Variants in GTF2IRD1 observed in about 807,000 individuals in gnomAD.
GTF2IRD1 encodes general transcription factor II-I repeat domain-containing protein 1.
Under a neutral mutation model 113.2 loss-of-function variants are expected in GTF2IRD1, and 26 were observed. That is an observed-to-expected ratio of 0.23 (90% CI 0.17 to 0.32). GTF2IRD1 has a LOEUF of 0.32. GTF2IRD1 is among the 10% of genes least tolerant of loss of function. The pLI, the probability that GTF2IRD1 is intolerant of heterozygous loss-of-function variation, is 1.00. For missense variants in GTF2IRD1, 864 were observed against 1,280.8 expected (o/e 0.67, Z 4.97); for synonymous variants, 484 against 529.1 (o/e 0.91, Z 1.17).
chr7:74,475,720 G>A (rs967984716), intron 1 of GTF2IRD1, among the ~76,000 whole-genome samples: 2 of 152,204 alleles, frequency 1.3e-5, no homozygotes, highest in Non-Finnish European at 2.9e-5. Context: ...TAATGCAGGT[G>A]TTCAGAGAAA....
chr7:74,528,869 AGATGGATGGATGGATGGATGGATG>A (rs781849655), intron 8 of GTF2IRD1, among the ~76,000 whole-genome samples: 2 of 101,676 alleles, frequency 2.0e-5, no homozygotes, highest in Non-Finnish European at 3.7e-5. Context: ...ATGAATGGGC[AGATGGATGGATGGATGGATGGATG>A]GATGGATGGA....
chr7:74,559,521 A>T, intron 21 of GTF2IRD1, 106 bp from the exon 22 acceptor site: 1 of 881,174 alleles, frequency 1.1e-6, no homozygotes, highest in African/African-American at 1.7e-5. Context: ...CTGCTGCTGT[A>T]GGTCTGGGGT....
intron 22 of GTF2IRD1, among the ~76,000 whole-genome samples, chr7:74,560,448 T>TTA (rs1799878330): frequency 1.4e-5 from 2 of 146,366 alleles, no homozygotes; most frequent in African/African-American, 2.5e-5. Context: ...AAAAAATATT[T>TTA]TATATATATA....
intron 24 of GTF2IRD1, among the ~76,000 whole-genome samples, 164 bp downstream of exon 24, chr7:74,591,181 T>C (rs1330898125): frequency 6.6e-6 from 1 of 152,060 alleles, no homozygotes; most frequent in Non-Finnish European, 1.5e-5. Context: ...GGACATTTAC[T>C]TATTTTTAAA....
At chr7:74,547,437 GC>G (rs1562858841) in intron 17 of GTF2IRD1, 151 bp downstream of exon 17, 15 of 418,650 alleles carry the variant, frequency 3.6e-5, no homozygotes, top group East Asian at 9.9e-5. Context: ...ACCATGCCCA[GC>G]CTTTTTTTTT....
chr7:74,497,018 C>A (rs1231913036), intron 1 of GTF2IRD1, among the ~76,000 whole-genome samples: 1 of 152,014 alleles, frequency 6.6e-6, no homozygotes, highest in Non-Finnish European at 1.5e-5. Flanking sequence ...TAAAATTAGC[C>A]AGGCATGGCG....
At chr7:74,553,099 A>G (rs1281637012) in intron 17 of GTF2IRD1, among the ~76,000 whole-genome samples, 1 of 151,558 alleles carries the variant, frequency 6.6e-6, no homozygotes, top group Non-Finnish European at 1.5e-5. Flanking sequence ...TGACCTCCCA[A>G]AGTGCTGGGA....
At chr7:74,528,754 G>A (rs868920184) in intron 8 of GTF2IRD1, among the ~76,000 whole-genome samples, 17 of 109,698 alleles carry the variant, frequency 1.5e-4, no homozygotes, top group Non-Finnish European at 2.2e-4. Context: ...TGGATGGATG[G>A]ATGAATGGAT....
intron 1 of GTF2IRD1, among the ~76,000 whole-genome samples, chr7:74,501,998 A>G (rs1251237261): frequency 1.3e-5 from 2 of 152,184 alleles, no homozygotes; most frequent in Non-Finnish European, 2.9e-5. Flanking sequence ...CCCAGGCTGC[A>G]GTACAGTGGC....
intron 1 of GTF2IRD1, among the ~76,000 whole-genome samples, chr7:74,470,783 T>C (rs1188904523): frequency 6.6e-6 from 1 of 151,944 alleles, no homozygotes; most frequent in East Asian, 1.9e-4. Context: ...AAAGGCCGCT[T>C]CCAACCTAGT....
intron 1 of GTF2IRD1, chr7:74,507,771 G>A: frequency 3.3e-6 from 1 of 301,008 alleles, no homozygotes; most frequent in African/African-American, 2.1e-5. Flanking sequence ...GGCCAGAATT[G>A]CACACGCCGG....
intron 1 of GTF2IRD1, among the ~76,000 whole-genome samples, chr7:74,473,169 G>A (rs1794205817): frequency 6.6e-6 from 1 of 152,206 alleles, no homozygotes; most frequent in Non-Finnish European, 1.5e-5. Flanking sequence ...GTAGATCCCA[G>A]CAAATGCAGA....
intron 1 of GTF2IRD1, among the ~76,000 whole-genome samples, chr7:74,473,009 C>T (rs782368752): frequency 1.3e-5 from 2 of 152,112 alleles, no homozygotes; most frequent in Admixed American, 1.3e-4. Flanking sequence ...GGAGAGAGTG[C>T]GGTGAAGGCT....
intron 1 of GTF2IRD1, among the ~76,000 whole-genome samples, chr7:74,455,598 G>A (rs1325381323): frequency 6.6e-6 from 1 of 152,220 alleles, no homozygotes; most frequent in African/African-American, 2.4e-5. Flanking sequence ...CTAGGTATAA[G>A]GTAGTTAGGT....
intron 12 of GTF2IRD1, among the ~76,000 whole-genome samples, chr7:74,538,444 C>T (rs2130571944): frequency 6.6e-6 from 1 of 152,342 alleles, no homozygotes; most frequent in East Asian, 1.9e-4. Context: ...CTTGGACCAG[C>T]AGCCTCCCCT....
At position 74,496,853 on chromosome 7, in the gene GTF2IRD1, T is replaced by TC. The variant is rs559839690; in HGVS notation, c.-6-11216dup. Among the ~76,000 whole-genome samples, 6 of 151,868 alleles carry TC rather than the reference T, an allele frequency of 4.0e-5. No individual in the cohort carries two copies. The East Asian group carries it at 1.2e-3, about 29-fold the overall frequency. On this transcript the variant is annotated intron_variant, in intron 1 of 26. Coordinates refer to ENST00000424337, the MANE Select transcript of GTF2IRD1 (RefSeq NM_005685.4). ...ACCAAACACTTCCTCTCTTCCCCCC[T>TC]CCCCCCATTTTGAAAAATTCTATTA...
At position 74,555,512 on chromosome 7, in the gene GTF2IRD1, G is replaced by A. The variant is rs1369456416; in HGVS notation, c.2023+18G>A. Reference sequence around the variant, plus strand: ...CTTTCAAGGTAAGGTTGAGCTCACGGGGAGGTCTGTTGTCCCAGCACCAGG... The same window carrying A: ...CTTTCAAGGTAAGGTTGAGCTCACGAGGAGGTCTGTTGTCCCAGCACCAGG... On this transcript the variant is annotated intron_variant, in intron 19 of 26. Coordinates refer to ENST00000424337, the MANE Select transcript of GTF2IRD1 (RefSeq NM_005685.4). The surrounding 1 kb of genome is among the most constrained non-coding windows in gnomAD (Gnocchi z 5.3). 1.5e-5 allele frequency: 23 copies of A among 1,494,832 alleles called. No homozygotes were observed. Among genetic ancestry groups the A allele is most frequent in the Non-Finnish European group, 2.1e-5 (22 of 1,071,428 alleles). The allele number at this position is 1,494,832 out of a possible 1,614,324, so 92.6% of individuals were successfully genotyped here.
intron 17 of GTF2IRD1, among the ~76,000 whole-genome samples, chr7:74,554,561 C>T (rs782389580): frequency 4.6e-5 from 7 of 152,036 alleles, no homozygotes; most frequent in East Asian, 3.9e-4. Flanking sequence ...CATTTTGAGA[C>T]GGAGTCTTAC....
chr7:74,580,328 C>T (rs1483413494), intron 22 of GTF2IRD1, among the ~76,000 whole-genome samples: 1 of 152,112 alleles, frequency 6.6e-6, no homozygotes, highest in Non-Finnish European at 1.5e-5. Flanking sequence ...ATCGCAGTCT[C>T]TCCCCTCTAA....
Sources: allele counts gnomAD v4.1 joint callset (sites outside exome capture counted in the v4.1 genomes callset), GRCh38; gene constraint gnomAD v4.1.1; non-coding constraint Gnocchi (gnomAD v3.1); transcripts MANE v1.5; gene names NCBI Gene and HGNC (gene_info 2026-07-23, HGNC 2026-07-21).